WDFY3: variants seen among roughly 807,000 people sequenced by gnomAD.
The protein encoded by WDFY3 is WD repeat and FYVE domain containing 3, also known as WD repeat and FYVE domain-containing protein 3.
Under a neutral mutation model 409.6 loss-of-function variants are expected in WDFY3, and 66 were observed. That is an observed-to-expected ratio of 0.16 (90% CI 0.13 to 0.20). WDFY3 has a LOEUF of 0.20. WDFY3 is among the 10% of genes least tolerant of loss of function. WDFY3 has a pLI of 1.00. For missense variants in WDFY3, 3,031 were observed against 4,298.1 expected, an observed-to-expected ratio of 0.71 and a Z score of 8.24; for synonymous variants, 1,521 against 1,537.1, an observed-to-expected ratio of 0.99 and a Z score of 0.25.
At chr4:84,950,480 G>A (rs1309061725) in intron 1 of WDFY3, among the ~76,000 whole-genome samples, 1 of 151,994 alleles carries the variant, frequency 6.6e-6, no homozygotes, top group Non-Finnish European at 1.5e-5. Flanking sequence ...TTTGAAAGAA[G>A]TAATAGCATC....
intron 2 of WDFY3, among the ~76,000 whole-genome samples, chr4:84,931,013 A>G (rs1315340650): frequency 6.6e-6 from 1 of 152,196 alleles, no homozygotes; most frequent in Non-Finnish European, 1.5e-5. Context: ...TTTTATTAGT[A>G]GTTATTATTG....
chr4:84,766,233 T>C lies in WDFY3; in HGVS notation c.4970+19A>G. The C allele has an allele frequency of 6.4e-7, 1 of 1,566,260 alleles. No homozygotes were observed. The highest frequency in any genetic ancestry group is 1.2e-5 in the South Asian group (1 of 84,114). The stretch of plus-strand genomic sequence containing the variant: ...GTAGTAGCAACTGGTATAATCACTT[T>C]TAAAAAAGATTTACTTACTGCAAAT... On this transcript the variant is annotated intron_variant, in intron 31 of 67. Transcript: ENST00000295888.
At chr4:84,679,843 C>T (rs4101126) in intron 64 of WDFY3, among the ~76,000 whole-genome samples, 695 of 129,274 alleles carry the variant, frequency 5.4e-3, no homozygotes, top group Middle Eastern at 0.012. Flanking sequence ...TATATATATA[C>T]ACACACACAC....
intron 50 of WDFY3, among the ~76,000 whole-genome samples, chr4:84,713,763 A>T (rs1003559682): frequency 3.3e-5 from 5 of 152,214 alleles, no homozygotes; most frequent in Non-Finnish European, 5.9e-5. Context: ...TAGCCTTATT[A>T]TTCACACATT....
chr4:84,822,032 T>G (rs1469957573), intron 10 of WDFY3, among the ~76,000 whole-genome samples: 1 of 152,138 alleles, frequency 6.6e-6, no homozygotes, highest in Admixed American at 6.5e-5. Flanking sequence ...ATTAGAACAC[T>G]GTGATTTTTA....
chr4:84,772,784 G>C lies in WDFY3; in HGVS notation c.4849+51C>G, dbSNP rs540144214. The stretch of plus-strand genomic sequence containing the variant: ...TCTAATTTGGGCCAGAAGAAAAAAG[G>C]CATAATATTTAGTTGACCACTATCT... On this transcript the variant is annotated intron_variant, in intron 30 of 67. Coordinates refer to ENST00000295888, the MANE Select transcript of WDFY3 (RefSeq NM_014991.6). 98 of 1,440,328 alleles carry C rather than the reference G, an allele frequency of 6.8e-5. 1 individual carries two copies. The East Asian group carries it at 2.1e-3, about 31-fold the overall frequency. 89.2% of individuals were successfully genotyped at this position (1,440,328 alleles called of 1,614,324 possible). A position where few individuals can be genotyped will look rare whatever the true frequency, so the allele number is the denominator to read the frequency against.
At chr4:84,760,511 C>T (rs995110226) in intron 32 of WDFY3, among the ~76,000 whole-genome samples, 1 of 152,136 alleles carries the variant, frequency 6.6e-6, no homozygotes, top group Admixed American at 6.5e-5. Flanking sequence ...AGAGATTCAA[C>T]TTTTTCCTGG....
At chr4:84,686,396 T>C (rs906991355) in intron 62 of WDFY3, among the ~76,000 whole-genome samples, 1 of 152,218 alleles carries the variant, frequency 6.6e-6, no homozygotes, top group Admixed American at 6.6e-5. Flanking sequence ...CCCCACTCAT[T>C]CTCAACCTGA....
chr4:84,720,295 A>G (rs989724990), intron 47 of WDFY3, among the ~76,000 whole-genome samples: 1 of 152,222 alleles, frequency 6.6e-6, no homozygotes, highest in Non-Finnish European at 1.5e-5. Flanking sequence ...CCTGAGTAGC[A>G]AAAGAGTCAA....
At chr4:84,943,305 T>C (rs1405419959) in intron 1 of WDFY3, among the ~76,000 whole-genome samples, 1 of 152,008 alleles carries the variant, frequency 6.6e-6, no homozygotes, top group Non-Finnish European at 1.5e-5. Flanking sequence ...ATCGAGACCA[T>C]CCTGGCTAAC....
intron 10 of WDFY3, among the ~76,000 whole-genome samples, chr4:84,821,993 A>G (rs559595852): frequency 6.6e-6 from 1 of 152,032 alleles, no homozygotes; most frequent in East Asian, 1.9e-4. Flanking sequence ...GGAGGGGAAA[A>G]TTTTTCTAAA....
At chr4:84,872,077 C>A (rs1324988632) in intron 3 of WDFY3, among the ~76,000 whole-genome samples, 2 of 152,122 alleles carry the variant, frequency 1.3e-5, no homozygotes, top group Admixed American at 6.5e-5. Context: ...AATGCTATTG[C>A]AAGAAACCTG....
intron 1 of WDFY3, among the ~76,000 whole-genome samples, chr4:84,956,968 C>G (rs1490375423): frequency 2.1e-5 from 3 of 143,368 alleles, no homozygotes; most frequent in African/African-American, 7.8e-5. Flanking sequence ...AAGCAGGTGA[C>G]AATGGTTTTC....
At position 84,684,101 on chromosome 4, in the gene WDFY3, T is replaced by G; in HGVS notation, c.9568A>C (p.Thr3190Pro). ...TTGATGCTCCACACATGGATATATG[T>G]GCCAGCGCAGGACACAATGTCCCCC... The part of the protein sequence containing the change: ...LTGDIVSCAG[T>P]YIHVWSINGN... Residue 3190 changes from threonine to proline, a missense_variant, in exon 63 of 68, where the codon ACA (threonine) becomes CCA (proline). Thr to Pro is a conservative substitution (Grantham distance 38). Around this residue, in one of 16 missense-constraint regions of WDFY3, gnomAD observed 378 missense variants for 477.3 expected, o/e 0.79. Transcript: ENST00000295888. The G allele has an allele frequency of 6.2e-7, 1 of 1,601,234 alleles. No individual in the cohort carries two copies. Among genetic ancestry groups the G allele is most frequent in the Non-Finnish European group, 8.6e-7 (1 of 1,169,586 alleles).
In WDFY3 at chr4:84,827,598, CAT is replaced by C. The variant is rs1350103788; in HGVS notation, c.957-619_957-618del. ...GGATTATATCTTTAGGATCAATAAA[CAT>C]AAATGAAATTATTGTATCAGATTAC... On this transcript the variant is annotated intron_variant, in intron 9 of 67. Coordinates refer to ENST00000295888, the MANE Select transcript of WDFY3 (RefSeq NM_014991.6). Among the ~76,000 whole-genome samples the C allele has an allele frequency of 2.0e-5, 3 of 152,212 alleles. No homozygotes were observed. In the South Asian group the frequency reaches 6.2e-4, roughly 32 times the overall value.
chr4:84,869,298 T>A (rs952485496), intron 3 of WDFY3, among the ~76,000 whole-genome samples: 3 of 152,234 alleles, frequency 2.0e-5, no homozygotes, highest in African/African-American at 7.2e-5. Flanking sequence ...GAATCACTTA[T>A]CCTTTGACTT....
intron 5 of WDFY3, 118 bp from the exon 6 acceptor site, chr4:84,841,381 T>C: frequency 2.6e-6 from 2 of 773,148 alleles, no homozygotes; most frequent in Admixed American, 3.3e-5. Context: ...TCAGCACTAT[T>C]ACATATAGAA....
At chr4:84,880,674 CATATATATAT>C (rs61351182) in intron 3 of WDFY3, among the ~76,000 whole-genome samples, 1,078 of 50,242 alleles carry the variant, frequency 0.021, 11 homozygotes, top group Middle Eastern at 0.037. Flanking sequence ...GGGAACCATA[CATATATATAT>C]ATATATATAT....
rs1469320801 is a variant in WDFY3, at chr4:84,670,361, A to G, written c.*2507T>C. Reference sequence around the variant, plus strand: ...AAATTTACATGGAACACAGAAAGATATCCAGAGAAATAATTAGTTTATGTA... The same window carrying G: ...AAATTTACATGGAACACAGAAAGATGTCCAGAGAAATAATTAGTTTATGTA... On this transcript the variant is annotated 3_prime_UTR_variant, in exon 68 of 68. Transcript: ENST00000295888. 2 of 152,694 alleles carry G rather than the reference A, an allele frequency of 1.3e-5. No homozygotes were observed. The highest frequency in any genetic ancestry group is 1.5e-5 in the Non-Finnish European group (1 of 68,054). 9.5% of individuals were successfully genotyped at this position (152,694 alleles called of 1,614,324 possible). A position where few individuals can be genotyped will look rare whatever the true frequency, so the allele number is the denominator to read the frequency against.
Sources: gnomAD v4.1 joint callset for allele counts (sites outside exome capture counted in the v4.1 genomes callset) on GRCh38, gnomAD v4.1.1 for gene constraint, gnomAD v4.1.1 regional missense constraint, MANE v1.5 for transcripts, NCBI Gene and HGNC (gene_info 2026-07-23, HGNC 2026-07-21) for gene names.